WDR47: variants seen among roughly 807,000 people sequenced by gnomAD.
WDR47 encodes the protein WD repeat-containing protein 47.
WDR47 carries 32 observed loss-of-function variants against 97.2 expected under a neutral mutation model. The ratio of observed to expected loss-of-function variants is 0.33; its 90% CI spans 0.25 to 0.44. The LOEUF (loss-of-function observed/expected upper bound fraction) is 0.44. Among genes scored for constraint, WDR47 ranks in the 20% least tolerant of loss-of-function variants. The pLI is 1.00. For missense variants in WDR47, 782 were observed against 1,102.3 expected, an observed-to-expected ratio of 0.71 and a Z score of 4.11; for synonymous variants, 375 against 373.5, an observed-to-expected ratio of 1.00 and a Z score of -0.05.
rs772281871 is a variant in WDR47 at position 108,995,686 on chromosome 1, G to C, written c.1585C>G (p.Gln529Glu). The stretch of plus-strand genomic sequence containing the variant: ...TTTGAAGCATCATGTGTTAATCTCT[G>C]ACTAGAGTCTTGGGGTGGTGTAGTA... ...SFTTPPQDSS[Q>E]RLTHDASNIH... Residue 529 changes from glutamine (Q) to glutamate (E), a missense_variant, in exon 8 of 15, where the codon CAG becomes GAG. Transcript: ENST00000369962. The C allele has an allele frequency of 6.2e-7, 1 of 1,614,156 alleles. No homozygotes were observed. Among genetic ancestry groups the C allele is most frequent in the Non-Finnish European group, 8.5e-7 (1 of 1,180,012 alleles).
chr1:109,004,808 A>G, intron 5 of WDR47, 93 bp from the exon 6 acceptor site: 1 of 1,368,044 alleles, frequency 7.3e-7, no homozygotes, highest in Non-Finnish European at 9.6e-7. Context: ...TATTATTATT[A>G]TTTTTGAGAT....
chr1:108,982,864 G>A, intron 11 of WDR47, 85 bp from the exon 12 acceptor site: 1 of 1,390,546 alleles, frequency 7.2e-7, no homozygotes, highest in Non-Finnish European at 9.7e-7. Context: ...CTCAAAACTG[G>A]TCAAGAATAA....
intron 3 of WDR47, among the ~76,000 whole-genome samples, chr1:109,014,440 T>C (rs2101959271): frequency 6.6e-6 from 1 of 151,534 alleles, no homozygotes; most frequent in Non-Finnish European, 1.5e-5. Flanking sequence ...TCCTTTTCTT[T>C]TTTTTTTTTA....
chr1:108,978,072 C>A (rs1441138574), intron 13 of WDR47, among the ~76,000 whole-genome samples: 1 of 151,222 alleles, frequency 6.6e-6, no homozygotes, highest in Non-Finnish European at 1.5e-5. Context: ...CAGTTCCAAG[C>A]TGTATATACT....
At chr1:109,009,190 G>C (rs1660856214) in intron 5 of WDR47, among the ~76,000 whole-genome samples, 1 of 152,166 alleles carries the variant, frequency 6.6e-6, no homozygotes, top group South Asian at 2.1e-4. Flanking sequence ...ATGTGAAAAG[G>C]TTTCATTTTT....
intron 7 of WDR47, among the ~76,000 whole-genome samples, chr1:108,997,243 G>A (rs1659817653): frequency 6.7e-6 from 1 of 150,114 alleles, no homozygotes; most frequent in South Asian, 2.1e-4. Flanking sequence ...CTGGGCAACA[G>A]AGGGAGCCCG....
At chr1:109,014,232 T>C (rs1222450394) in intron 3 of WDR47, among the ~76,000 whole-genome samples, 1 of 152,124 alleles carries the variant, frequency 6.6e-6, no homozygotes, top group Non-Finnish European at 1.5e-5. Context: ...CTGTTTTTTA[T>C]TAAAAAAATT....
At chr1:109,011,822 T>G (rs2101946385) in intron 4 of WDR47, 104 bp from the exon 5 acceptor site, 1 of 1,081,462 alleles carries the variant, frequency 9.2e-7, no homozygotes, top group South Asian at 1.7e-5. Flanking sequence ...CACAGAATAC[T>G]CATATAATTT....
At chr1:109,036,109 C>G (rs1662924270) in intron 1 of WDR47, among the ~76,000 whole-genome samples, 1 of 152,150 alleles carries the variant, frequency 6.6e-6, no homozygotes, top group Non-Finnish European at 1.5e-5. Flanking sequence ...ATCCCCAAAA[C>G]AGGATTAACT....
chr1:108,999,714 T>C (rs531051063), intron 7 of WDR47, among the ~76,000 whole-genome samples: 1 of 152,006 alleles, frequency 6.6e-6, no homozygotes, highest in South Asian at 2.1e-4. Flanking sequence ...CTATTTATGA[T>C]TGTCTATAAA....
At chr1:108,997,389 G>A (rs1212825709) in intron 7 of WDR47, among the ~76,000 whole-genome samples, 1 of 151,372 alleles carries the variant, frequency 6.6e-6, no homozygotes, top group African/African-American at 2.4e-5. Flanking sequence ...GCTGCAATGG[G>A]CCGTGATCCT....
intron 2 of WDR47, among the ~76,000 whole-genome samples, chr1:109,022,933 G>A (rs560013979): frequency 4.0e-4 from 61 of 151,246 alleles, no homozygotes; most frequent in Admixed American, 5.9e-4. Flanking sequence ...GGTCGGGTGC[G>A]GTGGCTCACG....
At chr1:109,000,456 C>T (rs1228399326) in intron 7 of WDR47, among the ~76,000 whole-genome samples, 1 of 145,076 alleles carries the variant, frequency 6.9e-6, no homozygotes, top group East Asian at 2.0e-4. Context: ...TTGCAGTGAG[C>T]CGAGATCGCA....
chr1:109,014,279 C>T (rs893288513), intron 3 of WDR47, among the ~76,000 whole-genome samples: 1 of 151,928 alleles, frequency 6.6e-6, no homozygotes, highest in Non-Finnish European at 1.5e-5. Context: ...GGGTATGTTA[C>T]ATTTTTAAAT....
chr1:109,039,254 CTT>C (rs751521674), intron 1 of WDR47, among the ~76,000 whole-genome samples: 142 of 146,202 alleles, frequency 9.7e-4, no homozygotes, highest in Non-Finnish European at 1.8e-3. Flanking sequence ...GGTATAAATC[CTT>C]TTTTTTTTTC....
intron 1 of WDR47, chr1:109,030,120 CA>C (rs2102028497): frequency 8.6e-7 from 1 of 1,158,124 alleles, no homozygotes; most frequent in South Asian, 1.6e-5. Flanking sequence ...GAAGAAGAAA[CA>C]CAAGAAGAAA....
rs1165584032 is a variant in WDR47, at chr1:109,036,427, C to T, written c.-10+5435G>A. Among the ~76,000 whole-genome samples the T allele has an allele frequency of 2.0e-5, 3 of 151,012 alleles. No homozygotes were observed. In the Admixed American group the frequency reaches 2.0e-4, roughly 10 times the overall value. ...TCTCTACTAAAAATACAAAAATTAG[C>T]CGGGCTTGGTAGCGTGCGCCTGTAG... On this transcript the variant is annotated intron_variant, in intron 1 of 14. Transcript: ENST00000369962.
chr1:109,026,607 A>G (rs1206104182), intron 1 of WDR47, among the ~76,000 whole-genome samples: 1 of 152,164 alleles, frequency 6.6e-6, no homozygotes, highest in Admixed American at 6.6e-5. Flanking sequence ...AGAAAAAAAT[A>G]TTCCCTCCTC....
chr1:109,028,490 C>A (rs1662385640), intron 1 of WDR47, among the ~76,000 whole-genome samples: 1 of 144,550 alleles, frequency 6.9e-6, no homozygotes, highest in Non-Finnish European at 1.5e-5. Context: ...GGATTACAGG[C>A]ATGAGCCATC....
Sources: gnomAD v4.1 joint callset for allele counts (sites outside exome capture counted in the v4.1 genomes callset) on GRCh38, gnomAD v4.1.1 for gene constraint, MANE v1.5 for transcripts, NCBI Gene and HGNC (gene_info 2026-07-23, HGNC 2026-07-21) for gene names.